Variants in RBFOX1 observed in about 807,000 individuals in gnomAD.
RBFOX1 encodes the protein RNA binding protein fox-1 homolog 1.
In RBFOX1, 8 loss-of-function variants were observed where a neutral mutation model predicts 57.7. The ratio of observed to expected loss-of-function variants is 0.14; its 90% CI spans 0.08 to 0.25. The LOEUF (loss-of-function observed/expected upper bound fraction) is 0.25. Among genes scored for constraint, RBFOX1 ranks in the 10% least tolerant of loss-of-function variants. The pLI is 1.00. For missense variants in RBFOX1, 611 were observed against 548.5 expected (o/e 1.11, Z -1.14); for synonymous variants, 326 against 222.4 (o/e 1.47, Z -4.15).
At chr16:7,554,386 A>C (rs754637414) in intron 5 of RBFOX1, among the ~76,000 whole-genome samples, 5 of 152,216 alleles carry the variant, frequency 3.3e-5, no homozygotes, top group Non-Finnish European at 7.3e-5. Flanking sequence ...CATTTTAGTC[A>C]TTAGCAACCT....
At position 7,177,688 on chromosome 16, in the gene RBFOX1, C is replaced by T. The variant is rs576721421; in HGVS notation, c.27+125590C>T. On this transcript the variant is annotated intron_variant, in intron 4 of 15. Coordinates refer to ENST00000550418, the MANE Select transcript of RBFOX1 (RefSeq NM_018723.4). ...AGGGCACTTCCACAAAATTCTAGGA[C>T]AGGGGTCAGCAAATCTCTTCTGTGA... 7.3e-4 allele frequency among the ~76,000 whole-genome samples: 111 copies of T among 152,226 alleles called. 1 individual carries two copies. The highest frequency in any genetic ancestry group is 2.5e-3 in the African/African-American group (104 of 41,540).
At chr16:5,781,961 T>C (rs1389061336) in intron 3 of RBFOX1, among the ~76,000 whole-genome samples, 1 of 152,164 alleles carries the variant, frequency 6.6e-6, no homozygotes. Context: ...ATCCCAGCAC[T>C]TAGGGAGGCC....
At chr16:6,567,303 C>G (rs1296562794) in intron 2 of RBFOX1, among the ~76,000 whole-genome samples, 1 of 152,134 alleles carries the variant, frequency 6.6e-6, no homozygotes, top group Admixed American at 6.5e-5. Context: ...TTATTATTGT[C>G]CTGAACACAG....
chr16:6,587,707 CAAAG>C (rs1488417667), intron 2 of RBFOX1, among the ~76,000 whole-genome samples: 2 of 152,058 alleles, frequency 1.3e-5, no homozygotes, highest in Non-Finnish European at 2.9e-5. Flanking sequence ...GATGATTTTT[CAAAG>C]AAAGAACTCT....
intron 3 of RBFOX1, among the ~76,000 whole-genome samples, chr16:6,748,495 T>C (rs2074253457): frequency 6.6e-6 from 1 of 152,036 alleles, no homozygotes; most frequent in South Asian, 2.1e-4. Flanking sequence ...ATCCCGTCTC[T>C]CCAAAAAATA....
At chr16:6,063,366 A>G (rs1224354722) in intron 1 of RBFOX1, among the ~76,000 whole-genome samples, 1 of 151,890 alleles carries the variant, frequency 6.6e-6, no homozygotes, top group Non-Finnish European at 1.5e-5. Context: ...TTAACACTTA[A>G]TTTAGGTTTT....
chr16:6,807,213 C>A (rs1441331246), intron 3 of RBFOX1, among the ~76,000 whole-genome samples: 1 of 151,988 alleles, frequency 6.6e-6, no homozygotes, highest in Non-Finnish European at 1.5e-5. Context: ...AGTTAGGAGT[C>A]TGTTCCAGTA....
chr16:5,989,003 C>T lies in RBFOX1; in HGVS notation c.351+121668C>T, dbSNP rs761262010. On this transcript the variant is annotated intron_variant, in intron 4 of 19. Transcript: ENST00000641259. ...CTTACCCTCTCTGGATTCCAAATTG[C>T]TTTTCTTTAAATGGTAAGATAAAAA... Among the ~76,000 whole-genome samples the T allele has an allele frequency of 4.7e-4, 72 of 151,974 alleles. 1 individual carries two copies. The highest frequency in any genetic ancestry group is 9.3e-4 in the Non-Finnish European group (63 of 67,998).
chr16:6,987,192 G>C (rs1386965739), intron 3 of RBFOX1, among the ~76,000 whole-genome samples: 1 of 152,084 alleles, frequency 6.6e-6, no homozygotes, highest in East Asian at 1.9e-4. Context: ...GTTTTGCCAA[G>C]TCTTGATTAC....
In RBFOX1 at chr16:5,564,447, C is replaced by G. The variant is rs962536139; in HGVS notation, c.259-34455C>G. On this transcript the variant is annotated intron_variant, in intron 2 of 2. Coordinates refer to the RBFOX1 transcript ENST00000585867. Reference sequence around the variant, plus strand: ...CTTCTACCGTCTTCTTGGATTATCTCTTTCTCTCCCATTCATTTATTTTTT... The same window carrying G: ...CTTCTACCGTCTTCTTGGATTATCTGTTTCTCTCCCATTCATTTATTTTTT... Among the ~76,000 whole-genome samples the G allele has an allele frequency of 2.6e-5, 4 of 152,300 alleles. No homozygotes were observed. The South Asian group carries it at 6.2e-4, about 24-fold the overall frequency.
intron 3 of RBFOX1, among the ~76,000 whole-genome samples, chr16:5,840,439 C>T (rs532644149): frequency 5.3e-5 from 8 of 152,210 alleles, no homozygotes; most frequent in East Asian, 1.9e-4. Flanking sequence ...CTGTGCTCTG[C>T]GGGGTAGAAA....
At chr16:5,499,009 C>T (rs1044034341) in intron 2 of RBFOX1, among the ~76,000 whole-genome samples, 37 of 152,184 alleles carry the variant, frequency 2.4e-4, no homozygotes, top group African/African-American at 7.2e-4. Flanking sequence ...TCTAGGAATT[C>T]TGGCTTATGG....
At chr16:7,136,985 C>G (rs1000597815) in intron 4 of RBFOX1, among the ~76,000 whole-genome samples, 1 of 152,220 alleles carries the variant, frequency 6.6e-6, no homozygotes, top group Non-Finnish European at 1.5e-5. Flanking sequence ...CCCTGCCTCC[C>G]TGCAACAGGA....
chr16:5,979,510 A>G (rs367622808), intron 4 of RBFOX1, among the ~76,000 whole-genome samples: 3 of 152,216 alleles, frequency 2.0e-5, no homozygotes, highest in Non-Finnish European at 4.4e-5. Context: ...AGGATAGTTT[A>G]TATGTATTGC....
At chr16:7,693,479 GA>G (rs199635596) in intron 14 of RBFOX1, 43,026 of 471,346 alleles carry the variant, frequency 0.091, 229 homozygotes, top group Admixed American at 0.2. Flanking sequence ...GTTTAGTTAA[GA>G]AAAAAAAAAA....
chr16:6,270,192 T>A (rs199849167), intron 1 of RBFOX1, among the ~76,000 whole-genome samples: 2 of 148,892 alleles, frequency 1.3e-5, no homozygotes, highest in African/African-American at 2.5e-5. Flanking sequence ...AAAGAACAAA[T>A]AAAAAAAAAA....
chr16:6,736,534 C>T (rs1328650036), intron 3 of RBFOX1, among the ~76,000 whole-genome samples: 1 of 152,174 alleles, frequency 6.6e-6, no homozygotes, highest in South Asian at 2.1e-4. Flanking sequence ...ATATACATAC[C>T]TCAATTTCTT....
intron 4 of RBFOX1, among the ~76,000 whole-genome samples, chr16:7,194,430 T>G (rs1262166818): frequency 6.6e-6 from 1 of 152,232 alleles, no homozygotes; most frequent in Non-Finnish European, 1.5e-5. Flanking sequence ...ATGATTATGG[T>G]ACAGGATGAC....
intron 4 of RBFOX1, among the ~76,000 whole-genome samples, chr16:5,878,223 A>G (rs3910448): frequency 0.14 from 20,754 of 152,182 alleles, 1,923 homozygotes; most frequent in Non-Finnish European, 0.2. Context: ...TGGGGATGAT[A>G]ATGATAACAG....
Sources: gnomAD v4.1 joint callset for allele counts (sites outside exome capture counted in the v4.1 genomes callset) on GRCh38, gnomAD v4.1.1 for gene constraint, MANE v1.5 for transcripts, NCBI Gene and HGNC (gene_info 2026-07-23, HGNC 2026-07-21) for gene names.